The following TAFA1 variants were observed in gnomAD, a reference collection of about 807,000 sequenced individuals.
The protein encoded by TAFA1 is chemokine-like protein TAFA-1.
TAFA1 carries 4 observed loss-of-function variants against 18.5 expected under a neutral mutation model. The observed-to-expected ratio is 0.22, with a 90% confidence interval of 0.11 to 0.49. The LOEUF (loss-of-function observed/expected upper bound fraction) is 0.49. Among genes scored for constraint, TAFA1 ranks in the 20% least tolerant of loss-of-function variants. TAFA1 has a pLI of 0.98. For synonymous variants in TAFA1, 56 were observed against 55.2 expected (o/e 1.01, Z -0.06); for missense variants, 147 against 169.0 (o/e 0.87, Z 0.72).
At chr3:68,153,483 A>C (rs1480166379) in intron 2 of TAFA1, among the ~76,000 whole-genome samples, 1 of 152,180 alleles carries the variant, frequency 6.6e-6, no homozygotes, top group African/African-American at 2.4e-5. Flanking sequence ...AAAGATGTGA[A>C]TAGAAATGAG....
chr3:68,431,385 G>A (rs962854898), intron 3 of TAFA1, among the ~76,000 whole-genome samples: 1 of 151,980 alleles, frequency 6.6e-6, no homozygotes, highest in Non-Finnish European at 1.5e-5. Flanking sequence ...CAGGGACTGA[G>A]CGTTGTTGAG....
chr3:68,278,798 G>T (rs1427632635), intron 2 of TAFA1, among the ~76,000 whole-genome samples: 1 of 152,130 alleles, frequency 6.6e-6, no homozygotes, highest in Non-Finnish European at 1.5e-5. Flanking sequence ...TTCGCATTCA[G>T]TAGGTCTGGG....
chr3:68,031,560 T>C (rs1704935469), intron 2 of TAFA1, among the ~76,000 whole-genome samples: 1 of 152,294 alleles, frequency 6.6e-6, no homozygotes, highest in Non-Finnish European at 1.5e-5. Flanking sequence ...ACCTCGTTTG[T>C]GGAGGAGATG....
At chr3:68,223,940 T>C (rs2066763772) in intron 2 of TAFA1, among the ~76,000 whole-genome samples, 1 of 151,422 alleles carries the variant, frequency 6.6e-6, no homozygotes, top group African/African-American at 2.4e-5. Context: ...ATCAAGTATA[T>C]GAATTTGACT....
chr3:68,150,407 T>C (rs1352583546), intron 2 of TAFA1, among the ~76,000 whole-genome samples: 1 of 152,236 alleles, frequency 6.6e-6, no homozygotes, highest in Non-Finnish European at 1.5e-5. Flanking sequence ...ACTTAAATCA[T>C]TGTTTTATCA....
chr3:68,488,300 A>C (rs2072385030), intron 3 of TAFA1, among the ~76,000 whole-genome samples: 1 of 152,180 alleles, frequency 6.6e-6, no homozygotes, highest in African/African-American at 2.4e-5. Context: ...CCAGAAAATT[A>C]GGCCAGTCTA....
intron 3 of TAFA1, among the ~76,000 whole-genome samples, chr3:68,503,453 C>T (rs1016757031): frequency 2.0e-5 from 3 of 152,034 alleles, no homozygotes; most frequent in African/African-American, 7.2e-5. Flanking sequence ...TGTATGATTC[C>T]ACTGATATGA....
Position 68,540,973 on chromosome 3 carries a change from C to G in TAFA1, c.384+2093C>G, listed in dbSNP as rs147341074. On this transcript the variant is annotated intron_variant, in intron 4 of 4. Transcript: ENST00000478136. ...CACAGTACCAGAGACTGGAGCACACCATTTGCTACCTCCCTGGGTGGGCTG... is the reference window on the plus strand; with the variant it reads ...CACAGTACCAGAGACTGGAGCACACGATTTGCTACCTCCCTGGGTGGGCTG... Among the ~76,000 whole-genome samples the G allele has an allele frequency of 2.0e-3, 308 of 152,262 alleles. 2 individuals carry two copies. Among genetic ancestry groups the G allele is most frequent in the African/African-American group, 7.1e-3 (296 of 41,556 alleles).
chr3:68,471,952 G>T (rs971599917), intron 3 of TAFA1, among the ~76,000 whole-genome samples: 5 of 152,140 alleles, frequency 3.3e-5, no homozygotes, highest in African/African-American at 1.2e-4. Context: ...AGGTGGAAGC[G>T]ACTTGCCTAC....
At chr3:67,991,955 G>C in the TAFA1 span, among the ~76,000 whole-genome samples, 1 of 152,062 alleles carries the variant, frequency 6.6e-6, no homozygotes, top group African/African-American at 2.4e-5. Context: ...TAATGCCCTG[G>C]CATTCTCTAA....
At chr3:68,027,749 CT>C (rs1394082854) in intron 2 of TAFA1, among the ~76,000 whole-genome samples, 4 of 152,170 alleles carry the variant, frequency 2.6e-5, no homozygotes, top group Non-Finnish European at 4.4e-5. Flanking sequence ...TTCTTGGAAA[CT>C]TTGAAAATGT....
chr3:68,081,546 C>T (rs1348317713), intron 2 of TAFA1, among the ~76,000 whole-genome samples: 2 of 152,032 alleles, frequency 1.3e-5, no homozygotes, highest in African/African-American at 4.8e-5. Flanking sequence ...GGACCCTCAG[C>T]TGCAGGTCTG....
intron 2 of TAFA1, among the ~76,000 whole-genome samples, chr3:68,101,852 T>C (rs1340335977): frequency 6.6e-6 from 1 of 152,118 alleles, no homozygotes; most frequent in Non-Finnish European, 1.5e-5. Flanking sequence ...TTTGGACAAC[T>C]CCTGATGCTT....
At chr3:68,530,035 G>A (rs776022866) in intron 3 of TAFA1, among the ~76,000 whole-genome samples, 3 of 152,150 alleles carry the variant, frequency 2.0e-5, no homozygotes, top group Non-Finnish European at 4.4e-5. Flanking sequence ...ATGACAAAAT[G>A]CCAGTAACCT....
intron 3 of TAFA1, among the ~76,000 whole-genome samples, chr3:68,458,186 A>T (rs1188879335): frequency 6.6e-6 from 1 of 150,646 alleles, no homozygotes; most frequent in Non-Finnish European, 1.5e-5. Context: ...AGTATGTAGC[A>T]CCTCCCCCTT....
intron 3 of TAFA1, among the ~76,000 whole-genome samples, chr3:68,426,879 G>T (rs967084123): frequency 1.3e-5 from 2 of 151,786 alleles, no homozygotes; most frequent in African/African-American, 4.8e-5. Flanking sequence ...TATCATCTAA[G>T]AAATATTTCA....
At chr3:68,015,685 T>C (rs78311557) in intron 2 of TAFA1, among the ~76,000 whole-genome samples, 2 of 152,236 alleles carry the variant, frequency 1.3e-5, no homozygotes, top group African/African-American at 4.8e-5. Flanking sequence ...GTAAAACTCT[T>C]AATTTAATAC....
intron 2 of TAFA1, among the ~76,000 whole-genome samples, chr3:68,089,986 A>T (rs1235079334): frequency 6.6e-6 from 1 of 152,170 alleles, no homozygotes; most frequent in Non-Finnish European, 1.5e-5. Flanking sequence ...CACGAAGTGA[A>T]TATTTCACTA....
At chr3:68,064,529 C>T (rs1053110374) in intron 2 of TAFA1, among the ~76,000 whole-genome samples, 4 of 152,258 alleles carry the variant, frequency 2.6e-5, no homozygotes, top group Admixed American at 6.5e-5. Flanking sequence ...AAATGAGACG[C>T]GGTGCTCTTA....
Sources: gnomAD v4.1 joint callset for allele counts (sites outside exome capture counted in the v4.1 genomes callset) on GRCh38, gnomAD v4.1.1 for gene constraint, MANE v1.5 for transcripts, NCBI Gene and HGNC (gene_info 2026-07-23, HGNC 2026-07-21) for gene names.